ENTREP2: variants seen among roughly 807,000 people sequenced by gnomAD.
ENTREP2 encodes the protein endosomal transmembrane epsin interactor 2.
the ENTREP2 span, among the ~76,000 whole-genome samples, chr15:29,235,770 C>A: frequency 6.6e-6 from 1 of 152,154 alleles, no homozygotes; most frequent in Admixed American, 6.5e-5. Flanking sequence ...TCAAGACCAG[C>A]ATGGCCAAGA....
At chr15:29,160,289 C>T in the ENTREP2 span, among the ~76,000 whole-genome samples, 14 of 152,194 alleles carry the variant, frequency 9.2e-5, no homozygotes, top group African/African-American at 2.4e-4. Flanking sequence ...GTGAGGGAAC[C>T]GACTCTGGCC....
At chr15:29,600,130 A>G in the ENTREP2 span, among the ~76,000 whole-genome samples, 2 of 152,192 alleles carry the variant, frequency 1.3e-5, no homozygotes, top group Non-Finnish European at 2.9e-5. Context: ...CAGTTTGTTG[A>G]GCCAAATTTT....
chr15:29,321,178 GAGA>G, the ENTREP2 span, among the ~76,000 whole-genome samples: 1 of 152,088 alleles, frequency 6.6e-6, no homozygotes, highest in African/African-American at 2.4e-5. Context: ...CAAAGTCCAA[GAGA>G]AGATCTAGAA....
the ENTREP2 span, among the ~76,000 whole-genome samples, chr15:29,298,175 TAATC>T: frequency 0.17 from 26,288 of 151,934 alleles, 2,795 homozygotes; most frequent in Non-Finnish European, 0.24. Flanking sequence ...AAAGAAGAAA[TAATC>T]AATATTAGAA....
the ENTREP2 span, among the ~76,000 whole-genome samples, chr15:29,256,918 TTTAC>T: frequency 1.3e-5 from 2 of 152,200 alleles, no homozygotes; most frequent in Admixed American, 1.3e-4. Context: ...ACACATTTTC[TTTAC>T]TTACTTTTTT....
the ENTREP2 span, among the ~76,000 whole-genome samples, chr15:29,561,516 T>C: frequency 6.6e-6 from 1 of 151,864 alleles, no homozygotes. Context: ...TGAAACCCCA[T>C]CTCTACTAAA....
chr15:29,132,066 CAG>C, the ENTREP2 span, among the ~76,000 whole-genome samples: 2 of 151,670 alleles, frequency 1.3e-5, no homozygotes, highest in Admixed American at 1.3e-4. Flanking sequence ...TGCCCCGCCC[CAG>C]AGTCAGCTCC....
chr15:29,645,013 T>TA, the ENTREP2 span, among the ~76,000 whole-genome samples: 4 of 152,092 alleles, frequency 2.6e-5, no homozygotes, highest in South Asian at 6.2e-4. Flanking sequence ...GCCCAGGAAT[T>TA]AAAGACCAGA....
chr15:29,485,006 T>C, the ENTREP2 span, among the ~76,000 whole-genome samples: 1 of 152,192 alleles, frequency 6.6e-6, no homozygotes, highest in Non-Finnish European at 1.5e-5. Flanking sequence ...AGACTCACCC[T>C]GCAAGCCAAA....
chr15:29,343,037 G>GTT, the ENTREP2 span, among the ~76,000 whole-genome samples: 1 of 150,640 alleles, frequency 6.6e-6, no homozygotes, highest in Non-Finnish European at 1.5e-5. Flanking sequence ...TGGGGGGGGT[G>GTT]GTTCTTCGGT....
At chr15:29,219,610 CATAA>C in the ENTREP2 span, among the ~76,000 whole-genome samples, 2 of 98,012 alleles carry the variant, frequency 2.0e-5, no homozygotes, top group African/African-American at 9.9e-5. Flanking sequence ...AACTGTGGTG[CATAA>C]ATATATATAT....
the ENTREP2 span, chr15:29,137,005 C>T: frequency 2.2e-5 from 31 of 1,404,402 alleles, no homozygotes; most frequent in East Asian, 6.0e-5. Flanking sequence ...TTAGTGGTTT[C>T]GAGATGGGGG....
chr15:29,211,332 G>C, the ENTREP2 span, among the ~76,000 whole-genome samples: 2 of 152,206 alleles, frequency 1.3e-5, no homozygotes, highest in Admixed American at 6.5e-5. Context: ...AGACACACTC[G>C]ATGTGTGCCC....
At chr15:29,552,921 T>C in the ENTREP2 span, among the ~76,000 whole-genome samples, 2 of 152,160 alleles carry the variant, frequency 1.3e-5, no homozygotes, top group African/African-American at 2.4e-5. Flanking sequence ...AGAACCTACA[T>C]GAAGAAAACT....
At chr15:29,637,088 T>C in the ENTREP2 span, among the ~76,000 whole-genome samples, 3 of 152,304 alleles carry the variant, frequency 2.0e-5, 1 homozygote, top group Admixed American at 2.0e-4. Context: ...GCAGAGTCAC[T>C]GTTCACCCTG....
chr15:29,223,896 T>C, the ENTREP2 span, among the ~76,000 whole-genome samples: 9 of 152,134 alleles, frequency 5.9e-5, no homozygotes, highest in Non-Finnish European at 1.3e-4. Context: ...GACGTCCCAG[T>C]GCACATGAAG....
chr15:29,336,453 G>A, the ENTREP2 span, among the ~76,000 whole-genome samples: 1 of 151,752 alleles, frequency 6.6e-6, no homozygotes, highest in South Asian at 2.1e-4. Flanking sequence ...TGGGACTATA[G>A]GCACACACCA....
At chr15:29,631,338 T>C in the ENTREP2 span, among the ~76,000 whole-genome samples, 1 of 152,178 alleles carries the variant, frequency 6.6e-6, no homozygotes, top group African/African-American at 2.4e-5. Flanking sequence ...GATTGTATCT[T>C]GGAGACTTTG....
At chr15:29,259,013 A>T in the ENTREP2 span, among the ~76,000 whole-genome samples, 1 of 152,208 alleles carries the variant, frequency 6.6e-6, no homozygotes, top group Non-Finnish European at 1.5e-5. Context: ...AAGAACTTTG[A>T]ATCAACTATT....
Sources: gnomAD v4.1 joint callset for allele counts (sites outside exome capture counted in the v4.1 genomes callset) on GRCh38, gnomAD v4.1.1 for gene constraint, MANE v1.5 for transcripts, NCBI Gene and HGNC (gene_info 2026-07-23, HGNC 2026-07-21) for gene names.